ART4: variants seen among roughly 807,000 people sequenced by gnomAD.
ART4 encodes the protein ADP-ribosyltransferase 4 (inactive) (Dombrock blood group).
ART4 carries 14 observed loss-of-function variants against 24.2 expected under a neutral mutation model. The ratio of observed to expected loss-of-function variants is 0.58; its 90% CI spans 0.38 to 0.90. The LOEUF (loss-of-function observed/expected upper bound fraction) is 0.90. Ranked by LOEUF, ART4 falls within the 40% of genes least tolerant of loss-of-function variation. ART4 has a pLI of 0.00. For synonymous variants in ART4, 145 were observed against 139.9 expected, an observed-to-expected ratio of 1.04 and a Z score of -0.26; for missense variants, 356 against 366.6, an observed-to-expected ratio of 0.97 and a Z score of 0.24.
rs1479830656 is a variant in ART4 at position 14,843,149 on chromosome 12, C to A, written c.-36G>T. ...CACAAGTACTTCTCCTTTGCCCTTG[C>A]AGCTTCATCCTGAGATGAATTCTCA... On this transcript the variant is annotated 5_prime_UTR_variant, in exon 1 of 3. Transcript: ENST00000228936. 2 of 1,610,932 alleles carry A rather than the reference C, an allele frequency of 1.2e-6. No individual in the cohort carries two copies. The highest frequency in any genetic ancestry group is 1.7e-6 in the Non-Finnish European group (2 of 1,178,150).
In ART4 at chr12:14,826,547, TAG is replaced by T. The variant is rs1950361097; in HGVS notation, c.*2822_*2823del. On this transcript the variant is annotated 3_prime_UTR_variant, in exon 3 of 3. Coordinates refer to ENST00000228936, the MANE Select transcript of ART4 (RefSeq NM_021071.4). Reference sequence around the variant, plus strand: ...AAAGGATGCTATTGCTGCTTGTGCCTAGAGAGTCAACGCTTTAGGAGAATTGT... The same window carrying T: ...AAAGGATGCTATTGCTGCTTGTGCCTAGAGTCAACGCTTTAGGAGAATTGT... 1 of 152,226 alleles carries T rather than the reference TAG, an allele frequency of 6.6e-6. No individual in the cohort carries two copies. The highest frequency in any genetic ancestry group is 2.4e-5 in the African/African-American group (1 of 41,468). 9.4% of individuals were successfully genotyped at this position (152,226 alleles called of 1,614,324 possible). A position where few individuals can be genotyped will look rare whatever the true frequency, so the allele number is the denominator to read the frequency against.
At chr12:14,838,367 A>C (rs184853103) in intron 2 of ART4, among the ~76,000 whole-genome samples, 1 of 152,232 alleles carries the variant, frequency 6.6e-6, no homozygotes, top group African/African-American at 2.4e-5. Context: ...TTTTTCATTG[A>C]ATATATTTTA....
intron 2 of ART4, among the ~76,000 whole-genome samples, chr12:14,836,580 G>A (rs1024113643): frequency 2.0e-5 from 3 of 152,160 alleles, no homozygotes; most frequent in Admixed American, 6.5e-5. Flanking sequence ...CATAGGTAAG[G>A]GGGCATTACT....
intron 2 of ART4, among the ~76,000 whole-genome samples, chr12:14,839,960 A>G (rs1043074309): frequency 6.6e-6 from 1 of 152,104 alleles, no homozygotes; most frequent in East Asian, 1.9e-4. Flanking sequence ...TCATATTTCC[A>G]TTTCTCGTTA....
At chr12:14,832,865 C>T (rs1213360266) in intron 2 of ART4, among the ~76,000 whole-genome samples, 1 of 152,120 alleles carries the variant, frequency 6.6e-6, no homozygotes, top group Non-Finnish European at 1.5e-5. Context: ...GATACTTTTT[C>T]TCTACCTCTT....
At position 14,840,980 on chromosome 12, in the gene ART4, G is replaced by A; in HGVS notation, c.318C>T (p.Asn106=). The stretch of plus-strand genomic sequence containing the variant: ...TGTTCTGGGGTAGAACTTTTCCTTG[G>A]TTAAGCCAGGCTAAGTGGGCTTTTT... ...MWQKAHLAWL[N]QGKVLPQNMT... Residue 106 remains asparagine, a synonymous_variant, in exon 2 of 3, where the codon AAC becomes AAT. Coordinates refer to ENST00000228936, the MANE Select transcript of ART4 (RefSeq NM_021071.4). 1 of 1,614,110 alleles carries A rather than the reference G, an allele frequency of 6.2e-7. No homozygotes were observed. The highest frequency in any genetic ancestry group is 1.1e-5 in the South Asian group (1 of 91,082).
chr12:14,843,224 C>T lies in ART4; in HGVS notation c.-111G>A. On this transcript the variant is annotated 5_prime_UTR_variant, in exon 1 of 3. Coordinates refer to ENST00000228936, the MANE Select transcript of ART4 (RefSeq NM_021071.4). ...CAGTCTCATCCGTAACCGTTTTTTC[C>T]CCTGTCTATGCTGAGCAACTTCTGT... 1.4e-6 allele frequency: 2 copies of T among 1,415,048 alleles called. No homozygotes were observed. The highest frequency in any genetic ancestry group is 1.9e-6 in the Non-Finnish European group (2 of 1,038,134). The allele number at this position is 1,415,048 out of a possible 1,614,324, so 87.7% of individuals were successfully genotyped here.
rs150107956 is a variant in ART4 at position 14,840,828 on chromosome 12, T to A, written c.470A>T (p.Lys157Ile). The stretch of plus-strand genomic sequence containing the variant: ...TGAGGTGAGGTAGTAGTGTAAATAT[T>A]TGAAGTGGAATGAACGTTCATACTG... ...PQQYERSFHF[K>I]YLHYYLTSAI... The change falls in exon 2 of 3, where the codon AAA becomes ATA. Residue 157 changes from lysine (K) to isoleucine (I), a missense_variant. Lys to Ile is a moderately radical substitution (Grantham distance 102). Transcript: ENST00000228936. 1 of 1,614,086 alleles carries A rather than the reference T, an allele frequency of 6.2e-7. No individual in the cohort carries two copies. Among genetic ancestry groups the A allele is most frequent in the African/African-American group, 1.3e-5 (1 of 74,928 alleles).
At chr12:14,841,774 G>T (rs1863055111) in intron 1 of ART4, among the ~76,000 whole-genome samples, 1 of 152,228 alleles carries the variant, frequency 6.6e-6, no homozygotes, top group African/African-American at 2.4e-5. Flanking sequence ...CTTGTTAAGA[G>T]CAAATTCCAG....
At position 14,840,607 on chromosome 12, in the gene ART4, A is replaced by G. The variant is rs772935149; in HGVS notation, c.691T>C (p.Cys231Arg). The stretch of plus-strand genomic sequence containing the variant: ...AAGTACTGTACAGGTGCACCCAGGC[A>G]GGTGAATATGGTAAATAGTGTCTGG... Reference protein sequence around the residue: ...GNQTLFTIFTCLGAPVQYFSL... With the variant: ...GNQTLFTIFTRLGAPVQYFSL... Residue 231 changes from cysteine (C) to arginine (R), a missense_variant, in exon 2 of 3, where the codon TGC becomes CGC. Transcript: ENST00000228936. 1 of 1,614,196 alleles carries G rather than the reference A, an allele frequency of 6.2e-7. No homozygotes were observed. The highest frequency in any genetic ancestry group is 8.5e-7 in the Non-Finnish European group (1 of 1,180,028).
chr12:14,829,405 G>A lies in ART4; in HGVS notation c.911C>T (p.Thr304Ile). The part of the protein sequence containing the change: ...PIAIASLSFL[T>I]SVIIFSKSRV ...GCTTTTGGAAAAGATGATGACACTG[G>A]TCAAAAAGGAGAGAGATGCAATAGC... The change falls in exon 3 of 3, where the codon ACC (threonine) becomes ATC (isoleucine). Residue 304 changes from threonine (T) to isoleucine (I), a missense_variant. Transcript: ENST00000228936. The A allele has an allele frequency of 5.0e-6, 8 of 1,608,316 alleles. No homozygotes were observed. Among genetic ancestry groups the A allele is most frequent in the Non-Finnish European group, 6.8e-6 (8 of 1,177,848 alleles).
rs1950366647 is a variant in ART4 at position 14,827,475 on chromosome 12, C to T, written c.*1896G>A. 6.6e-6 allele frequency: 1 copy of T among 152,224 alleles called. No homozygotes were observed. The highest frequency in any genetic ancestry group is 2.4e-5 in the African/African-American group (1 of 41,448). The allele number at this position is 152,224 out of a possible 1,614,324, so 9.4% of individuals were successfully genotyped here. A position where few individuals can be genotyped will look rare whatever the true frequency, so the allele number is the denominator to read the frequency against. On this transcript the variant is annotated 3_prime_UTR_variant, in exon 3 of 3. Transcript: ENST00000228936. Reference sequence around the variant, plus strand: ...GGAGTGCAGTGGTGTGAACTTGGCTCACTGCACTACCTCCGCCTCCTGGGT... The same window carrying T: ...GGAGTGCAGTGGTGTGAACTTGGCTTACTGCACTACCTCCGCCTCCTGGGT...
chr12:14,835,136 T>C (rs1950420931), intron 2 of ART4, among the ~76,000 whole-genome samples: 2 of 152,212 alleles, frequency 1.3e-5, no homozygotes, highest in African/African-American at 4.8e-5. Context: ...ACTTGGCTTA[T>C]AGGGACTTCT....
At position 14,829,167 on chromosome 12, in the gene ART4, T is replaced by G; in HGVS notation, c.*204A>C. The stretch of plus-strand genomic sequence containing the variant: ...GGCAGAGTGATTTCCCCAAGAGTAC[T>G]TAGGGTGCCCAGATTGAAATAAGGC... On this transcript the variant is annotated 3_prime_UTR_variant, in exon 3 of 3. Transcript: ENST00000228936. 2.6e-6 allele frequency: 1 copy of G among 388,392 alleles called. No homozygotes were observed. The highest frequency in any genetic ancestry group is 5.9e-5 in the South Asian group (1 of 17,072). The allele number at this position is 388,392 out of a possible 1,614,324, so 24.1% of individuals were successfully genotyped here. A position where few individuals can be genotyped will look rare whatever the true frequency, so the allele number is the denominator to read the frequency against.
intron 2 of ART4, among the ~76,000 whole-genome samples, chr12:14,833,228 A>G (rs918573356): frequency 1.3e-5 from 2 of 152,178 alleles, no homozygotes; most frequent in African/African-American, 2.4e-5. Context: ...TGAAAAGGGT[A>G]ACTGTTGTAT....
intron 2 of ART4, among the ~76,000 whole-genome samples, chr12:14,834,657 G>T (rs1950417428): frequency 6.6e-6 from 1 of 152,182 alleles, no homozygotes; most frequent in Non-Finnish European, 1.5e-5. Flanking sequence ...TGTGTCTACA[G>T]ATTTTTGGCA....
At chr12:14,832,884 A>G (rs564887439) in intron 2 of ART4, among the ~76,000 whole-genome samples, 1 of 152,312 alleles carries the variant, frequency 6.6e-6, no homozygotes, top group Admixed American at 6.5e-5. Flanking sequence ...TTTTATGGCC[A>G]TTATCATTTC....
chr12:14,840,587 CT>C lies in ART4; in HGVS notation c.710del (p.Gln237ArgfsTer10), dbSNP rs1452919624. ...AGACTTCCTTCTTGAGGGAGAAGTA[CT>C]GTACAGGTGCACCCAGGCAGGTGAA... ...TIFTCLGAPV[Q>X]YFSLKKEVLI... On this transcript the variant is annotated frameshift_variant, in exon 2 of 3. Transcript: ENST00000228936. LOFTEE classifies it high-confidence loss of function. The C allele has an allele frequency of 3.7e-6, 6 of 1,614,034 alleles. No homozygotes were observed. In the South Asian group the frequency reaches 6.6e-5, roughly 18 times the overall value.
At chr12:14,835,843 T>C (rs1248513620) in intron 2 of ART4, among the ~76,000 whole-genome samples, 1 of 152,066 alleles carries the variant, frequency 6.6e-6, no homozygotes, top group Non-Finnish European at 1.5e-5. Context: ...GACCTTGTGA[T>C]CCACCTGCCT....
Sources: gnomAD v4.1 joint callset for allele counts (sites outside exome capture counted in the v4.1 genomes callset) on GRCh38, gnomAD v4.1.1 for gene constraint, MANE v1.5 for transcripts, NCBI Gene and HGNC (gene_info 2026-07-23, HGNC 2026-07-21) for gene names.